The following FAM219A variants were observed in gnomAD, a reference collection of about 807,000 sequenced individuals.
FAM219A encodes the protein family with sequence similarity 219 member A, also known as protein FAM219A.
A neutral mutation model predicts 23.4 loss-of-function variants in FAM219A; 7 were observed. The observed-to-expected ratio is 0.30, with a 90% CI of 0.17 to 0.56. The LOEUF (loss-of-function observed/expected upper bound fraction) is 0.56, where lower values mean the gene tolerates loss of function less well. Among genes scored for constraint, FAM219A ranks in the 20% least tolerant of loss-of-function variants. FAM219A has a pLI of 0.92. For synonymous variants in FAM219A, 93 were observed against 99.0 expected (o/e 0.94, Z 0.36); for missense variants, 166 against 246.9 (o/e 0.67, Z 2.20).
chr9:34,431,195 T>C (rs997002389), intron 1 of FAM219A, among the ~76,000 whole-genome samples: 1 of 152,290 alleles, frequency 6.6e-6, no homozygotes, highest in Middle Eastern at 3.4e-3. Context: ...AGGCAGAGGA[T>C]CTTGGTGTGT....
At chr9:34,450,853 C>T (rs1439627612) in intron 1 of FAM219A, among the ~76,000 whole-genome samples, 2 of 152,138 alleles carry the variant, frequency 1.3e-5, no homozygotes, top group Non-Finnish European at 2.9e-5. Context: ...CTTGTTTCTG[C>T]CTGGGTGTGG....
chr9:34,457,877 G>T lies in FAM219A; in HGVS notation c.60+327C>A, dbSNP rs1364571120. ...TCCCAGACCCCTGGGCCTGCCGCCG[G>T]CGGTGCCCCATGGCAGTTCCCTCGC... On this transcript the variant is annotated intron_variant, in intron 1 of 5. Coordinates refer to ENST00000651358, the MANE Select transcript of FAM219A (RefSeq NM_001184940.2). The surrounding 1 kb of genome is among the most constrained non-coding windows in gnomAD (Gnocchi z 5.1). 9.2e-5 allele frequency among the ~76,000 whole-genome samples: 14 copies of T among 152,280 alleles called. No homozygotes were observed. The East Asian group carries it at 2.7e-3, about 30-fold the overall frequency.
chr9:34,403,041 C>G (rs1343654039), intron 2 of FAM219A, among the ~76,000 whole-genome samples: 3 of 152,142 alleles, frequency 2.0e-5, no homozygotes, highest in African/African-American at 4.8e-5. Context: ...TTTTCAGGAA[C>G]CACAACTCCC....
intron 1 of FAM219A, among the ~76,000 whole-genome samples, chr9:34,440,477 T>C (rs574960161): frequency 4.0e-4 from 61 of 152,108 alleles, no homozygotes; most frequent in African/African-American, 1.4e-3. Flanking sequence ...GTGGAGATAC[T>C]GGGGCAACAC....
chr9:34,434,484 T>A, intron 1 of FAM219A, among the ~76,000 whole-genome samples: 1 of 152,192 alleles, frequency 6.6e-6, no homozygotes, highest in East Asian at 1.9e-4. Flanking sequence ...AGAAAAAGAA[T>A]CTGAAGCCCT....
intron 1 of FAM219A, among the ~76,000 whole-genome samples, chr9:34,410,092 AG>A (rs1821770413): frequency 6.6e-6 from 1 of 152,204 alleles, no homozygotes; most frequent in Admixed American, 6.5e-5. Context: ...CAAAGCATGC[AG>A]GGAGGGACAT....
intron 1 of FAM219A, among the ~76,000 whole-genome samples, chr9:34,449,846 G>C (rs1823498220): frequency 6.6e-6 from 1 of 152,208 alleles, no homozygotes; most frequent in Non-Finnish European, 1.5e-5. Context: ...TGATGGGATA[G>C]AGCATATAGT....
chr9:34,405,348 A>C (rs575454355), intron 2 of FAM219A, among the ~76,000 whole-genome samples: 1 of 152,336 alleles, frequency 6.6e-6, no homozygotes, highest in East Asian at 1.9e-4. Flanking sequence ...AATGTGACCC[A>C]GAAAGGAAGG....
intron 1 of FAM219A, among the ~76,000 whole-genome samples, chr9:34,425,339 A>G (rs1033424970): frequency 2.6e-5 from 4 of 152,016 alleles, no homozygotes; most frequent in African/African-American, 9.6e-5. Context: ...AATTAGCTGG[A>G]CATGGTGGTG....
Position 34,405,638 on chromosome 9 carries a change from C to T in FAM219A, c.160+227G>A, listed in dbSNP as rs531899029. Among the ~76,000 whole-genome samples the T allele has an allele frequency of 8.0e-4, 122 of 152,308 alleles. 2 individuals carry two copies. Among genetic ancestry groups the T allele is most frequent in the Admixed American group, 5.6e-3 (85 of 15,294 alleles). On this transcript the variant is annotated intron_variant, in intron 2 of 5. Coordinates refer to ENST00000651358, the MANE Select transcript of FAM219A (RefSeq NM_001184940.2). ...CAGCTATGCCCCAGAATACCTGGAA[C>T]GTTCTTGGCTTCAGAGATGCCTCTT...
Position 34,405,852 on chromosome 9 carries a change from C to A in FAM219A, c.160+13G>T, listed in dbSNP as rs778626103. 1 of 1,613,456 alleles carries A rather than the reference C, an allele frequency of 6.2e-7. No individual in the cohort carries two copies. Among genetic ancestry groups the A allele is most frequent in the Admixed American group, 1.7e-5 (1 of 59,934 alleles). On this transcript the variant is annotated intron_variant, in intron 2 of 5. Transcript: ENST00000651358. Reference sequence around the variant, plus strand: ...TACTCCCCACATCTCCCTCACCCCCCAGACACACTCACCCAGCTTCACTTG... The same window carrying A: ...TACTCCCCACATCTCCCTCACCCCCAAGACACACTCACCCAGCTTCACTTG...
rs369151108 is a variant in FAM219A at position 34,431,044 on chromosome 9, C to G, written c.61-25080G>C. Among the ~76,000 whole-genome samples, 4 of 152,182 alleles carry G rather than the reference C, an allele frequency of 2.6e-5. No homozygotes were observed. In the East Asian group the frequency reaches 7.7e-4, roughly 29 times the overall value. ...TAAATGCCACTGGCTCATCTCTGCC[C>G]ATTGTTGATAGCAACTGCTTGCTTG... On this transcript the variant is annotated intron_variant, in intron 1 of 5. Transcript: ENST00000651358.
chr9:34,458,419 G>A lies in FAM219A; in HGVS notation c.-156C>T, dbSNP rs1270809820. ...GGCCGGGCGGATGCAGGGGTGGGCG[G>A]GGGCGAGAGGTTCGCAGACTGGCTG... On this transcript the variant is annotated 5_prime_UTR_variant, in exon 1 of 6. Coordinates refer to ENST00000651358, the MANE Select transcript of FAM219A (RefSeq NM_001184940.2). The surrounding 1 kb of genome is among the most constrained non-coding windows in gnomAD (Gnocchi z 6.6). 2.5e-6 allele frequency: 1 copy of A among 393,126 alleles called. No homozygotes were observed. The highest frequency in any genetic ancestry group is 4.2e-6 in the Non-Finnish European group (1 of 239,136). The allele number at this position is 393,126 out of a possible 1,614,324, so 24.4% of individuals were successfully genotyped here.
Position 34,408,083 on chromosome 9 carries a change from T to C in FAM219A, c.61-2119A>G, listed in dbSNP as rs79628423. Among the ~76,000 whole-genome samples the C allele has an allele frequency of 5.5e-3, 833 of 152,352 alleles. 7 individuals carry two copies. Among genetic ancestry groups the C allele is most frequent in the African/African-American group, 0.019 (778 of 41,586 alleles). On this transcript the variant is annotated intron_variant, in intron 1 of 5. Transcript: ENST00000651358. The stretch of plus-strand genomic sequence containing the variant: ...TTTGCAAGTTCCTGAGGGCAAAACC[T>C]GTGCCTCCCTCTCCTGCTTTGATCC...
chr9:34,435,021 A>G (rs2131988484), intron 1 of FAM219A, among the ~76,000 whole-genome samples: 1 of 151,990 alleles, frequency 6.6e-6, no homozygotes, highest in East Asian at 1.9e-4. Flanking sequence ...GGGTTTCACT[A>G]TGTTGGCCAG....
At chr9:34,410,752 TGAAA>T (rs2131940526) in intron 1 of FAM219A, among the ~76,000 whole-genome samples, 1 of 152,276 alleles carries the variant, frequency 6.6e-6, no homozygotes, top group African/African-American at 2.4e-5. Context: ...CCACACAGAC[TGAAA>T]GAAAGATTGT....
intron 1 of FAM219A, among the ~76,000 whole-genome samples, chr9:34,439,256 C>T (rs573725828): frequency 9.2e-5 from 14 of 152,338 alleles, no homozygotes; most frequent in East Asian, 1.9e-4. Context: ...CCACCAATTC[C>T]GGACACACTT....
intron 2 of FAM219A, among the ~76,000 whole-genome samples, chr9:34,405,218 G>A (rs1821591587): frequency 6.6e-6 from 1 of 152,244 alleles, no homozygotes; most frequent in Admixed American, 6.5e-5. Flanking sequence ...AGCCCATGAG[G>A]TGAAGGGAGG....
At chr9:34,425,590 T>C (rs1313911137) in intron 1 of FAM219A, among the ~76,000 whole-genome samples, 1 of 152,242 alleles carries the variant, frequency 6.6e-6, no homozygotes, top group Admixed American at 6.5e-5. Flanking sequence ...TCCACTGTGC[T>C]TGGAGAAGTT....
Sources: gnomAD v4.1 joint callset for allele counts (sites outside exome capture counted in the v4.1 genomes callset) on GRCh38, gnomAD v4.1.1 for gene constraint, Gnocchi (gnomAD v3.1) non-coding constraint, MANE v1.5 for transcripts, NCBI Gene and HGNC (gene_info 2026-07-23, HGNC 2026-07-21) for gene names.